ABCC9: variants seen among roughly 807,000 people sequenced by gnomAD.
The protein encoded by ABCC9 is ATP binding cassette subfamily C member 9, also known as ATP-binding cassette sub-family C member 9.
Under a neutral mutation model 188.3 loss-of-function variants are expected in ABCC9, and 95 were observed. The ratio of observed to expected loss-of-function variants is 0.50; its 90% CI spans 0.43 to 0.60. The LOEUF is 0.60. Ranked by LOEUF, ABCC9 falls within the 20% of genes least tolerant of loss-of-function variation. The pLI is 0.00. For missense variants in ABCC9, 1,102 were observed against 1,876.3 expected (o/e 0.59, Z 7.62); for synonymous variants, 659 against 652.7 (o/e 1.01, Z -0.15).
chr12:21,876,799 A>G (rs1185675087), intron 16 of ABCC9, among the ~76,000 whole-genome samples: 1 of 152,226 alleles, frequency 6.6e-6, no homozygotes, highest in Non-Finnish European at 1.5e-5. Context: ...TGAAATTTCT[A>G]AGCACACTGT....
At chr12:21,855,787 A>T (rs1945197892) in intron 22 of ABCC9, among the ~76,000 whole-genome samples, 1 of 152,202 alleles carries the variant, frequency 6.6e-6, no homozygotes, top group Non-Finnish European at 1.5e-5. Flanking sequence ...TTATAAATAA[A>T]GCCATGGTGG....
At chr12:21,925,894 A>G (rs1251200207) in intron 5 of ABCC9, 48 bp downstream of exon 5, 6 of 1,580,586 alleles carry the variant, frequency 3.8e-6, no homozygotes, top group East Asian at 4.5e-5. Flanking sequence ...TTTGGGGGGA[A>G]AAACAAATAT....
At chr12:21,900,004 A>T (rs1260593638) in intron 12 of ABCC9, among the ~76,000 whole-genome samples, 1 of 152,198 alleles carries the variant, frequency 6.6e-6, no homozygotes, top group African/African-American at 2.4e-5. Context: ...GAATGGAGAG[A>T]CTGCCTCCTC....
chr12:21,917,656 A>G (rs184296751), intron 5 of ABCC9, among the ~76,000 whole-genome samples: 1 of 152,312 alleles, frequency 6.6e-6, no homozygotes, highest in East Asian at 1.9e-4. Context: ...ACGCACTTTC[A>G]CATAGCACAA....
chr12:21,886,664 A>G (rs905753182), intron 15 of ABCC9, among the ~76,000 whole-genome samples: 3 of 152,106 alleles, frequency 2.0e-5, no homozygotes, highest in Non-Finnish European at 4.4e-5. Context: ...ATAATTTCCT[A>G]TTGCATGTCA....
In ABCC9 at chr12:21,808,186, T is replaced by C. The variant is rs1427884791; in HGVS notation, c.4316-707A>G. 2.0e-5 allele frequency among the ~76,000 whole-genome samples: 3 copies of C among 152,252 alleles called. No homozygotes were observed. In the East Asian group the frequency reaches 5.8e-4, roughly 29 times the overall value. On this transcript the variant is annotated intron_variant, in intron 37 of 39. Coordinates refer to ENST00000261200, the MANE Select transcript of ABCC9 (RefSeq NM_020297.4). ...TGGGGAAAATTTCTATTGATTATAT[T>C]CTAATGGTATCAAAGTCTTATAATT...
chr12:21,835,786 A>G (rs1343250678), intron 30 of ABCC9, among the ~76,000 whole-genome samples: 2 of 152,156 alleles, frequency 1.3e-5, no homozygotes, highest in Non-Finnish European at 2.9e-5. Flanking sequence ...TGATACTCAA[A>G]CCTGTATCTT....
chr12:21,915,341 A>T (rs1948521578), intron 7 of ABCC9, among the ~76,000 whole-genome samples: 1 of 143,280 alleles, frequency 7.0e-6, no homozygotes, highest in African/African-American at 2.6e-5. Flanking sequence ...ATATATAGAC[A>T]TGTGTATGTA....
rs2137079266 is a variant in ABCC9, at chr12:21,800,933, A to C, written c.*111T>G. On this transcript the variant is annotated 3_prime_UTR_variant, in exon 40 of 40. Transcript: ENST00000261200. Reference sequence around the variant, plus strand: ...AAAAATAAATGTCCACTTTTTGTGCAAAAATCTGTAAAAGTTTTAAGATGC... The same window carrying C: ...AAAAATAAATGTCCACTTTTTGTGCCAAAATCTGTAAAAGTTTTAAGATGC... The C allele has an allele frequency of 7.4e-7, 1 of 1,351,884 alleles. No individual in the cohort carries two copies. The highest frequency in any genetic ancestry group is 2.5e-4 in the Middle Eastern group (1 of 4,014). 83.7% of individuals were successfully genotyped at this position (1,351,884 alleles called of 1,614,324 possible).
intron 20 of ABCC9, 102 bp from the exon 21 acceptor site, chr12:21,861,157 T>C (rs1460494714): frequency 2.1e-6 from 2 of 934,264 alleles, no homozygotes; most frequent in Non-Finnish European, 3.5e-6. Flanking sequence ...AAACATTTGC[T>C]GAATCACTTA....
chr12:21,836,707 A>C (rs1565720326), intron 30 of ABCC9, among the ~76,000 whole-genome samples: 2 of 152,250 alleles, frequency 1.3e-5, no homozygotes, highest in South Asian at 2.1e-4. Context: ...GTCAATATAT[A>C]TTTATTGAGC....
rs776572382 is a variant in ABCC9 at position 21,913,063 on chromosome 12, T to C, written c.820A>G (p.Lys274Glu). The change falls in exon 8 of 40, where the codon AAA becomes GAA. Residue 274 changes from lysine to glutamate, a missense_variant. By Grantham distance (56) the Lys-to-Glu change is moderately conservative (BLOSUM62 1). This residue lies in a region of ABCC9 where 305 missense variants were observed against 573.0 expected (regional missense o/e 0.53). Coordinates refer to ENST00000261200, the MANE Select transcript of ABCC9 (RefSeq NM_020297.4). Reference protein sequence around the residue: ...LKDAYEEQKKKVADHPNRTPS... With the variant: ...LKDAYEEQKKEVADHPNRTPS... Reference sequence around the variant, plus strand: ...GTCCGATTTGGATGATCTGCAACTTTTTTCTGAAGAAAAAAAAAAGAAAAA... The same window carrying C: ...GTCCGATTTGGATGATCTGCAACTTCTTTCTGAAGAAAAAAAAAAGAAAAA... 6.3e-7 allele frequency: 1 copy of C among 1,597,570 alleles called. No homozygotes were observed. The highest frequency in any genetic ancestry group is 8.5e-7 in the Non-Finnish European group (1 of 1,175,540).
intron 5 of ABCC9, among the ~76,000 whole-genome samples, chr12:21,921,623 G>A (rs1181397920): frequency 6.6e-6 from 1 of 151,894 alleles, no homozygotes; most frequent in Admixed American, 6.6e-5. Context: ...GTGCTTGAGG[G>A]GTGTTGCTCA....
intron 5 of ABCC9, among the ~76,000 whole-genome samples, chr12:21,919,828 T>C (rs1948735036): frequency 6.6e-6 from 1 of 152,080 alleles, no homozygotes; most frequent in Non-Finnish European, 1.5e-5. Context: ...AAATAACTGA[T>C]GAATATCCTT....
intron 39 of ABCC9, 46 bp downstream of exon 39, chr12:21,805,952 G>A: frequency 6.4e-7 from 1 of 1,568,868 alleles, no homozygotes; most frequent in Non-Finnish European, 8.8e-7. Flanking sequence ...TAACATGTTA[G>A]AACAAAAACC....
chr12:21,926,646 A>C (rs1949056907), intron 4 of ABCC9, among the ~76,000 whole-genome samples: 1 of 152,238 alleles, frequency 6.6e-6, no homozygotes, highest in Non-Finnish European at 1.5e-5. Flanking sequence ...CATAGAGTGC[A>C]CGTCTGGGAC....
At chr12:21,908,409 GATTT>G (rs1344230573) in intron 10 of ABCC9, among the ~76,000 whole-genome samples, 198 bp from the exon 11 acceptor site, 1 of 151,960 alleles carries the variant, frequency 6.6e-6, no homozygotes, top group Non-Finnish European at 1.5e-5. Flanking sequence ...GTTTTACTCT[GATTT>G]ATTTGGGGAA....
At chr12:21,859,469 T>C in intron 22 of ABCC9, 117 bp downstream of exon 22, 3 of 990,222 alleles carry the variant, frequency 3.0e-6, no homozygotes, top group South Asian at 2.6e-5. Flanking sequence ...CTATATACTT[T>C]ACGATTTCAC....
chr12:21,878,967 AAATC>A (rs1447031220), intron 16 of ABCC9, among the ~76,000 whole-genome samples: 1 of 152,174 alleles, frequency 6.6e-6, no homozygotes, highest in Middle Eastern at 3.2e-3. Context: ...GCTAATATAT[AAATC>A]AGTCTTTGCA....
Sources: allele counts gnomAD v4.1 joint callset (sites outside exome capture counted in the v4.1 genomes callset), GRCh38; gene constraint gnomAD v4.1.1; regional missense constraint gnomAD v4.1.1; transcripts MANE v1.5; gene names NCBI Gene and HGNC (gene_info 2026-07-23, HGNC 2026-07-21).